The following DPYS variants were observed in gnomAD, a reference collection of about 807,000 sequenced individuals.
DPYS encodes the protein dihydropyrimidine amidohydrolase.
Under a neutral mutation model 50.3 loss-of-function variants are expected in DPYS, and 39 were observed. That is an observed-to-expected ratio of 0.78 (90% CI 0.60 to 1.01). The LOEUF is 1.01. Ranked by LOEUF, DPYS falls within the 50% of genes least tolerant of loss-of-function variation. DPYS has a pLI of 0.00. For missense variants in DPYS, 659 were observed against 680.9 expected, an observed-to-expected ratio of 0.97 and a Z score of 0.36; for synonymous variants, 245 against 250.7, an observed-to-expected ratio of 0.98 and a Z score of 0.22.
intron 5 of DPYS, 93 bp from the exon 6 acceptor site, chr8:104,428,214 T>G: frequency 1.3e-6 from 2 of 1,554,040 alleles, no homozygotes; most frequent in Non-Finnish European, 1.8e-6. Context: ...CTGGCTCCCT[T>G]CTCAATTGAA....
At chr8:104,451,638 A>G (rs958330461) in intron 1 of DPYS, among the ~76,000 whole-genome samples, 2 of 152,234 alleles carry the variant, frequency 1.3e-5, no homozygotes, top group Non-Finnish European at 1.5e-5. Context: ...GTCATATCTG[A>G]TAAGATGAAA....
At chr8:104,442,973 G>C (rs1813406240) in intron 4 of DPYS, among the ~76,000 whole-genome samples, 1 of 152,116 alleles carries the variant, frequency 6.6e-6, no homozygotes, top group Non-Finnish European at 1.5e-5. Context: ...GAGATGGGAG[G>C]ATCACTTGGA....
chr8:104,381,340 C>T, intron 8 of DPYS, 26 bp from the exon 9 acceptor site: 1 of 1,593,330 alleles, frequency 6.3e-7, no homozygotes, highest in Non-Finnish European at 8.6e-7. Flanking sequence ...TCATTTCTCT[C>T]TTGTGGTTTA....
At chr8:104,437,641 T>C (rs1224778736) in intron 4 of DPYS, among the ~76,000 whole-genome samples, 1 of 152,146 alleles carries the variant, frequency 6.6e-6, no homozygotes, top group Admixed American at 6.5e-5. Flanking sequence ...AAATTAACCA[T>C]AGAAATACCC....
At chr8:104,425,136 A>C (rs948091947) in intron 6 of DPYS, among the ~76,000 whole-genome samples, 1 of 152,010 alleles carries the variant, frequency 6.6e-6, no homozygotes, top group African/African-American at 2.4e-5. Flanking sequence ...AGCTGACAAC[A>C]TTTTTAAATC....
intron 1 of DPYS, among the ~76,000 whole-genome samples, chr8:104,463,630 C>T (rs1490771430): frequency 1.3e-5 from 2 of 152,142 alleles, no homozygotes; most frequent in Non-Finnish European, 2.9e-5. Flanking sequence ...TAGACAATGG[C>T]ATCTGGGATT....
At chr8:104,420,410 ATC>A (rs928796977) in intron 7 of DPYS, 2 of 152,060 alleles carry the variant, frequency 1.3e-5, no homozygotes, top group Admixed American at 1.3e-4. Flanking sequence ...TTCTGCAACG[ATC>A]TCTCTCTTTT....
At position 104,444,489 on chromosome 8, in the gene DPYS, A is replaced by G. The variant is rs1283765277; in HGVS notation, c.604-52T>C. ...TGTGCAAGGAAGGTTTACTAATGACAGATATCATTATTTTATCATAAATTA... is the reference window on the plus strand; with the variant it reads ...TGTGCAAGGAAGGTTTACTAATGACGGATATCATTATTTTATCATAAATTA... On this transcript the variant is annotated intron_variant, in intron 3 of 9. Transcript: ENST00000351513. 3 of 1,595,524 alleles carry G rather than the reference A, an allele frequency of 1.9e-6. No homozygotes were observed. In the African/African-American group the frequency reaches 4.0e-5, roughly 21 times the overall value.
At chr8:104,380,379 G>C (rs1810991672) in intron 9 of DPYS, 1 of 152,806 alleles carries the variant, frequency 6.5e-6, no homozygotes, top group African/African-American at 2.4e-5. Flanking sequence ...GTGTTGAACT[G>C]TCTGAAAAGA....
Position 104,432,463 on chromosome 8 carries a change from A to G in DPYS, c.794-2762T>C, listed in dbSNP as rs141807123. Among the ~76,000 whole-genome samples the G allele has an allele frequency of 2.2e-3, 333 of 152,356 alleles. 1 individual carries two copies. The highest frequency in any genetic ancestry group is 7.5e-3 in the African/African-American group (311 of 41,594). On this transcript the variant is annotated intron_variant, in intron 4 of 9. Coordinates refer to ENST00000351513, the MANE Select transcript of DPYS (RefSeq NM_001385.3). ...CTAGAGAAGGTTGAAAGATGCACAG[A>G]AAAAGCATAGGCATCCAGGACCAAA...
rs563358561 is a variant in DPYS, at chr8:104,428,940, C to T, written c.950+605G>A. On this transcript the variant is annotated intron_variant, in intron 5 of 9. Coordinates refer to ENST00000351513, the MANE Select transcript of DPYS (RefSeq NM_001385.3). ...CTGCCTCCTGGGTTCAAGTGATTCT[C>T]GTGCCTCAGCCTCCCGAGTAACTGG... Among the ~76,000 whole-genome samples, 188 of 151,896 alleles carry T rather than the reference C, an allele frequency of 1.2e-3. 1 individual carries two copies. Among genetic ancestry groups the T allele is most frequent in the African/African-American group, 4.2e-3 (175 of 41,422 alleles).
intron 6 of DPYS, among the ~76,000 whole-genome samples, chr8:104,424,867 C>T (rs1381766763): frequency 2.0e-5 from 3 of 149,340 alleles, no homozygotes; most frequent in Admixed American, 1.3e-4. Flanking sequence ...ACTCTCGTTG[C>T]CCAGGCTGGA....
intron 1 of DPYS, among the ~76,000 whole-genome samples, chr8:104,464,349 C>T (rs189111851): frequency 6.0e-4 from 91 of 152,264 alleles, no homozygotes; most frequent in African/African-American, 1.9e-3. Flanking sequence ...CCTTGGGGCA[C>T]GCAAAGATAA....
chr8:104,412,423 T>C (rs1564090177), intron 7 of DPYS, among the ~76,000 whole-genome samples: 1 of 152,222 alleles, frequency 6.6e-6, no homozygotes, highest in Non-Finnish European at 1.5e-5. Flanking sequence ...AACAGTTATA[T>C]GTCTATGTGC....
intron 2 of DPYS, among the ~76,000 whole-genome samples, chr8:104,449,806 C>A (rs143513301): frequency 9.3e-4 from 142 of 152,290 alleles, no homozygotes; most frequent in African/African-American, 3.3e-3. Context: ...GGAACAGGTT[C>A]TCCCTCAGAG....
intron 7 of DPYS, among the ~76,000 whole-genome samples, chr8:104,393,401 G>A (rs1218918975): frequency 3.3e-5 from 5 of 152,042 alleles, no homozygotes; most frequent in African/African-American, 1.2e-4. Flanking sequence ...ACTTTTTATA[G>A]ATACAATGGG....
chr8:104,407,533 T>C (rs1230221770), intron 7 of DPYS, among the ~76,000 whole-genome samples: 3 of 152,128 alleles, frequency 2.0e-5, no homozygotes, highest in African/African-American at 2.4e-5. Flanking sequence ...ACAAAACCTT[T>C]ACCCAAAAAT....
Position 104,392,765 on chromosome 8 carries a change from C to T in DPYS, c.1443+19G>A, listed in dbSNP as rs372523066. Reference sequence around the variant, plus strand: ...GAGACAGTCCGACTTGTGGCAGTATCCCACTGTGGCACACTCACCCGGTCT... The same window carrying T: ...GAGACAGTCCGACTTGTGGCAGTATTCCACTGTGGCACACTCACCCGGTCT... On this transcript the variant is annotated intron_variant, in intron 8 of 9. Transcript: ENST00000351513. 6.2e-6 allele frequency: 10 copies of T among 1,613,634 alleles called. 1 individual carries two copies. Among genetic ancestry groups the T allele is most frequent in the East Asian group, 4.5e-5 (2 of 44,892 alleles).
chr8:104,436,226 T>C (rs1374503715), intron 4 of DPYS, among the ~76,000 whole-genome samples: 1 of 152,116 alleles, frequency 6.6e-6, no homozygotes, highest in African/African-American at 2.4e-5. Flanking sequence ...AACTGTCCCG[T>C]CAACATACGG....
Sources: allele counts gnomAD v4.1 joint callset (sites outside exome capture counted in the v4.1 genomes callset), GRCh38; gene constraint gnomAD v4.1.1; transcripts MANE v1.5; gene names NCBI Gene and HGNC (gene_info 2026-07-23, HGNC 2026-07-21).